Variants in PANK3 observed in about 807,000 individuals in gnomAD.
The protein encoded by PANK3 is pantothenate kinase 3.
PANK3 carries 20 observed loss-of-function variants against 39.4 expected under a neutral mutation model. That is an observed-to-expected ratio of 0.51 (90% CI 0.36 to 0.74). PANK3 has a LOEUF of 0.74. Among genes scored for constraint, PANK3 ranks in the 30% least tolerant of loss-of-function variants. The pLI is 0.00. For missense variants in PANK3, 265 were observed against 437.0 expected, an observed-to-expected ratio of 0.61 and a Z score of 3.51; for synonymous variants, 140 against 157.3, an observed-to-expected ratio of 0.89 and a Z score of 0.82.
Position 168,557,433 on chromosome 5 carries a change from C to A in PANK3, c.*138G>T. 2.8e-6 allele frequency: 2 copies of A among 717,492 alleles called. No individual in the cohort carries two copies. The highest frequency in any genetic ancestry group is 4.7e-6 in the Non-Finnish European group (2 of 427,750). The allele number at this position is 717,492 out of a possible 1,614,324, so 44.4% of individuals were successfully genotyped here. On this transcript the variant is annotated 3_prime_UTR_variant, in exon 7 of 7. Coordinates refer to ENST00000239231, the MANE Select transcript of PANK3 (RefSeq NM_024594.4). ...AATACTTCACGTTACCAAGTTCTCT[C>A]CTTTAATATGGCAACATTCAGCAGC...
In PANK3 at chr5:168,551,629, T is replaced by G. The variant is rs1759272876; in HGVS notation, c.*5942A>C. On this transcript the variant is annotated 3_prime_UTR_variant, in exon 7 of 7. Coordinates refer to ENST00000239231, the MANE Select transcript of PANK3 (RefSeq NM_024594.4). ...AACAACCTTAAAAATCAAGGCAAGATGGACTACTCTTTGAAGGCAAGAATA... is the reference window on the plus strand; with the variant it reads ...AACAACCTTAAAAATCAAGGCAAGAGGGACTACTCTTTGAAGGCAAGAATA... 6.6e-6 allele frequency: 1 copy of G among 152,168 alleles called. No homozygotes were observed. Among genetic ancestry groups the G allele is most frequent in the Admixed American group, 6.5e-5 (1 of 15,268 alleles). The allele number at this position is 152,168 out of a possible 1,614,324, so 9.4% of individuals were successfully genotyped here. A position where few individuals can be genotyped will look rare whatever the true frequency, so the allele number is the denominator to read the frequency against.
At chr5:168,558,592 A>G (rs895929631) in intron 6 of PANK3, among the ~76,000 whole-genome samples, 3 of 152,238 alleles carry the variant, frequency 2.0e-5, no homozygotes, top group African/African-American at 7.2e-5. Context: ...TGGACTGATA[A>G]TTGCTCAGAT....
At chr5:168,574,501 A>G (rs975612826) in intron 1 of PANK3, among the ~76,000 whole-genome samples, 10 of 152,212 alleles carry the variant, frequency 6.6e-5, no homozygotes, top group Admixed American at 3.3e-4. Context: ...CAGTGAAAAT[A>G]TGAGTAAATA....
Position 168,551,715 on chromosome 5 carries a change from GTC to G in PANK3, c.*5854_*5855del, listed in dbSNP as rs1391938620. The G allele has an allele frequency of 1.3e-5, 2 of 152,114 alleles. No individual in the cohort carries two copies. Among genetic ancestry groups the G allele is most frequent in the Admixed American group, 1.3e-4 (2 of 15,274 alleles). 9.4% of individuals were successfully genotyped at this position (152,114 alleles called of 1,614,324 possible). A position where few individuals can be genotyped will look rare whatever the true frequency, so the allele number is the denominator to read the frequency against. On this transcript the variant is annotated 3_prime_UTR_variant, in exon 7 of 7. Coordinates refer to ENST00000239231, the MANE Select transcript of PANK3 (RefSeq NM_024594.4). The stretch of plus-strand genomic sequence containing the variant: ...CTGCATCATTCTGCTTATAGAAACA[GTC>G]TTTAAGGGACTGGTATTTACATTAT...
intron 3 of PANK3, among the ~76,000 whole-genome samples, 149 bp downstream of exon 3, chr5:168,565,855 CTTAAAAAAA>C (rs1561841113): frequency 1.6e-5 from 1 of 61,614 alleles, no homozygotes; most frequent in East Asian, 7.4e-4. Context: ...CCCTCTTTCA[CTTAAAAAAA>C]AAAAATATAT....
intron 1 of PANK3, among the ~76,000 whole-genome samples, chr5:168,578,243 T>C (rs1259825259): frequency 6.6e-6 from 1 of 152,228 alleles, no homozygotes; most frequent in East Asian, 1.9e-4. Context: ...TACAGTTATA[T>C]AGGAATTTGT....
At position 168,552,254 on chromosome 5, in the gene PANK3, T is replaced by A. The variant is rs1759282877; in HGVS notation, c.*5317A>T. The A allele has an allele frequency of 6.6e-6, 1 of 152,180 alleles. No homozygotes were observed. Among genetic ancestry groups the A allele is most frequent in the Non-Finnish European group, 1.5e-5 (1 of 68,044 alleles). 9.4% of individuals were successfully genotyped at this position (152,180 alleles called of 1,614,324 possible). A position where few individuals can be genotyped will look rare whatever the true frequency, so the allele number is the denominator to read the frequency against. Reference sequence around the variant, plus strand: ...ATCCTTAGAAATTGGCTGCTCAAAGTCCAATTTTAGAAATGAAGTCAATGG... The same window carrying A: ...ATCCTTAGAAATTGGCTGCTCAAAGACCAATTTTAGAAATGAAGTCAATGG... On this transcript the variant is annotated 3_prime_UTR_variant, in exon 7 of 7. Coordinates refer to ENST00000239231, the MANE Select transcript of PANK3 (RefSeq NM_024594.4).
chr5:168,579,190 C>T (rs1759787976), intron 1 of PANK3, 66 bp downstream of exon 1: 1 of 1,415,314 alleles, frequency 7.1e-7, no homozygotes, highest in Non-Finnish European at 9.3e-7. Context: ...ACCGCCCAGC[C>T]AAGGGGCTTT....
chr5:168,553,554 G>A lies in PANK3; in HGVS notation c.*4017C>T. On this transcript the variant is annotated 3_prime_UTR_variant, in exon 7 of 7. Transcript: ENST00000239231. Reference sequence around the variant, plus strand: ...GGGGACATGAGCAAAACCTCAGAGGGAGAGTCTTCTGACCTCTCTTTCAAA... The same window carrying A: ...GGGGACATGAGCAAAACCTCAGAGGAAGAGTCTTCTGACCTCTCTTTCAAA... 3 of 325,192 alleles carry A rather than the reference G, an allele frequency of 9.2e-6. No homozygotes were observed. Among genetic ancestry groups the A allele is most frequent in the South Asian group, 7.9e-5 (3 of 37,786 alleles). The allele number at this position is 325,192 out of a possible 1,614,324, so 20.1% of individuals were successfully genotyped here.
intron 6 of PANK3, among the ~76,000 whole-genome samples, chr5:168,557,933 T>C (rs576772534): frequency 4.1e-4 from 62 of 152,316 alleles, no homozygotes; most frequent in Non-Finnish European, 5.9e-4. Context: ...TAGCTGGGAC[T>C]ATAGGCTCAC....
rs372466411 is a variant in PANK3, at chr5:168,579,290, G to C, written c.-7C>G. ...TGGCATCTTTGATCTTCATGGCGTC[G>C]GCCCGAGGGGCGATGGACGGCCTCC... is the stretch of plus-strand genomic sequence containing the variant. On this transcript the variant is annotated 5_prime_UTR_variant, in exon 1 of 7. Coordinates refer to ENST00000239231, the MANE Select transcript of PANK3 (RefSeq NM_024594.4). 6 of 1,486,210 alleles carry C rather than the reference G, an allele frequency of 4.0e-6. No homozygotes were observed. The Admixed American group carries it at 7.2e-5, about 18-fold the overall frequency. 92.1% of individuals were successfully genotyped at this position (1,486,210 alleles called of 1,614,324 possible).
Position 168,553,193 on chromosome 5 carries a change from T to TG in PANK3, c.*4377dup. 2.0e-6 allele frequency: 1 copy of TG among 501,760 alleles called. No homozygotes were observed. The highest frequency in any genetic ancestry group is 4.1e-6 in the Non-Finnish European group (1 of 245,462). The allele number at this position is 501,760 out of a possible 1,614,324, so 31.1% of individuals were successfully genotyped here. ...GGGCATAGCTCTTCAGACCCCAAGATGAACTCCAGACCAAAGATCTGGATC... is the reference window on the plus strand; with the variant it reads ...GGGCATAGCTCTTCAGACCCCAAGATGGAACTCCAGACCAAAGATCTGGATC... On this transcript the variant is annotated 3_prime_UTR_variant, in exon 7 of 7. Transcript: ENST00000239231.
At chr5:168,574,923 C>G (rs1167091670) in intron 1 of PANK3, among the ~76,000 whole-genome samples, 1 of 152,064 alleles carries the variant, frequency 6.6e-6, no homozygotes, top group Non-Finnish European at 1.5e-5. Flanking sequence ...ATATTTATAG[C>G]TTTGTTGCTT....
At position 168,579,309 on chromosome 5, in the gene PANK3, G is replaced by A. The variant is rs756308293; in HGVS notation, c.-26C>T. ...GGCGTCGGCCCGAGGGGCGATGGAC[G>A]GCCTCCGATCCGGGGCACTGAGAGC... On this transcript the variant is annotated 5_prime_UTR_variant, in exon 1 of 7. Coordinates refer to ENST00000239231, the MANE Select transcript of PANK3 (RefSeq NM_024594.4). 4.8e-6 allele frequency: 7 copies of A among 1,470,436 alleles called. No individual in the cohort carries two copies. The highest frequency in any genetic ancestry group is 2.7e-5 in the East Asian group (1 of 36,638). The allele number at this position is 1,470,436 out of a possible 1,614,324, so 91.1% of individuals were successfully genotyped here.
At chr5:168,563,315 G>A (rs555399408) in intron 4 of PANK3, among the ~76,000 whole-genome samples, 2 of 152,264 alleles carry the variant, frequency 1.3e-5, no homozygotes, top group African/African-American at 4.8e-5. Context: ...TAACCCCAGT[G>A]TTGGTAGGAG....
chr5:168,560,016 C>T (rs898220127), intron 5 of PANK3, among the ~76,000 whole-genome samples: 25 of 152,162 alleles, frequency 1.6e-4, no homozygotes, highest in Non-Finnish European at 3.2e-4. Context: ...AAACTTATTT[C>T]GACTCTCACA....
chr5:168,572,714 T>C (rs1331684778), intron 1 of PANK3, among the ~76,000 whole-genome samples: 1 of 152,210 alleles, frequency 6.6e-6, no homozygotes, highest in Non-Finnish European at 1.5e-5. Context: ...TCACAGGGGA[T>C]ATGATGGCTT....
chr5:168,564,617 T>G (rs1476053721), intron 3 of PANK3, among the ~76,000 whole-genome samples: 1 of 152,134 alleles, frequency 6.6e-6, no homozygotes, highest in East Asian at 1.9e-4. Context: ...TATATATTTT[T>G]GTAGAGATGG....
At chr5:168,563,660 T>G (rs530538859) in intron 4 of PANK3, among the ~76,000 whole-genome samples, 1 of 144,122 alleles carries the variant, frequency 6.9e-6, no homozygotes, top group East Asian at 2.1e-4. Context: ...GCATAAACAC[T>G]GGAAAGACAC....
Sources: allele counts gnomAD v4.1 joint callset (sites outside exome capture counted in the v4.1 genomes callset), GRCh38; gene constraint gnomAD v4.1.1; transcripts MANE v1.5; gene names NCBI Gene and HGNC (gene_info 2026-07-23, HGNC 2026-07-21).